RPS6KA2: variants seen among roughly 807,000 people sequenced by gnomAD.
The protein encoded by RPS6KA2 is ribosomal protein S6 kinase alpha-2.
In RPS6KA2, 42 loss-of-function variants were observed where a neutral mutation model predicts 91.8. The observed-to-expected ratio is 0.46, with a 90% CI of 0.36 to 0.59. The LOEUF (loss-of-function observed/expected upper bound fraction) is 0.59, where lower values mean the gene tolerates loss of function less well. RPS6KA2 is among the 20% of genes least tolerant of loss of function. The probability of loss-of-function intolerance (pLI) is 0.00; values close to 1 mark genes in which losing one functional copy is unlikely to be tolerated. For synonymous variants in RPS6KA2, 414 were observed against 393.6 expected (o/e 1.05, Z -0.61); for missense variants, 798 against 978.5 (o/e 0.82, Z 2.46).
intron 2 of RPS6KA2, among the ~76,000 whole-genome samples, chr6:166,829,466 C>T (rs1780124610): frequency 6.6e-6 from 1 of 151,752 alleles, no homozygotes; most frequent in Non-Finnish European, 1.5e-5. Flanking sequence ...TGGCGGGCGC[C>T]CGTAGTCCCA....
At position 166,490,637 on chromosome 6, in the gene RPS6KA2, C is replaced by T. The variant is rs765334036; in HGVS notation, c.818+34G>A. 15 of 1,482,764 alleles carry T rather than the reference C, an allele frequency of 1.0e-5. No individual in the cohort carries two copies. Among genetic ancestry groups the T allele is most frequent in the East Asian group, 2.3e-5 (1 of 43,078 alleles). The allele number at this position is 1,482,764 out of a possible 1,614,324, so 91.9% of individuals were successfully genotyped here. ...GCAGCTCTTGATATCAGAAGGTGCT[C>T]GCAGGTCTCTGGGGTGGCTCCCACA... On this transcript the variant is annotated intron_variant, in intron 9 of 20. Coordinates refer to ENST00000265678, the MANE Select transcript of RPS6KA2 (RefSeq NM_021135.6). This position sits in a 1 kb window ranked among gnomAD's most constrained non-coding sequence, Gnocchi z 4.2.
At chr6:166,473,458 C>T (rs1780846443) in intron 10 of RPS6KA2, among the ~76,000 whole-genome samples, 1 of 152,202 alleles carries the variant, frequency 6.6e-6, no homozygotes, top group Non-Finnish European at 1.5e-5. Context: ...TCCCAAAGTG[C>T]TGGGATTATA....
chr6:166,853,891 G>C (rs1435758500), intron 2 of RPS6KA2, among the ~76,000 whole-genome samples: 1 of 152,226 alleles, frequency 6.6e-6, no homozygotes, highest in East Asian at 1.9e-4. Context: ...GAGGCAGGAT[G>C]GGGAGAGGCC....
intron 11 of RPS6KA2, among the ~76,000 whole-genome samples, chr6:166,465,547 C>T (rs1277605250): frequency 6.6e-6 from 1 of 152,218 alleles, no homozygotes; most frequent in Non-Finnish European, 1.5e-5. Flanking sequence ...CTTCTAAGAC[C>T]ATCACGGAGC....
chr6:166,662,944 G>A lies in RPS6KA2; in HGVS notation c.124-124160C>T, dbSNP rs753405836. ...TCTGTGTATGGAGGAACGGCCACGC[G>A]AGGACAGGGAGGAGGCGCCATCTGC... On this transcript the variant is annotated intron_variant, in intron 2 of 21. Transcript: ENST00000503859. This position sits in a 1 kb window ranked among gnomAD's most constrained non-coding sequence, Gnocchi z 4.3. 1.4e-4 allele frequency among the ~76,000 whole-genome samples: 22 copies of A among 152,086 alleles called. No individual in the cohort carries two copies. Among genetic ancestry groups the A allele is most frequent in the Admixed American group, 2.6e-4 (4 of 15,268 alleles).
Position 166,418,481 on chromosome 6 carries a change from T to C in RPS6KA2, c.1821-139A>G. On this transcript the variant is annotated intron_variant, in intron 18 of 20. Transcript: ENST00000265678. The surrounding 1 kb of genome is among the most constrained non-coding windows in gnomAD (Gnocchi z 4.9). ...TCCTCTGCTCTGAAGCCAGGATTCATGGGAAAGCGGAACTTACCTCTAACA... is the reference window on the plus strand; with the variant it reads ...TCCTCTGCTCTGAAGCCAGGATTCACGGGAAAGCGGAACTTACCTCTAACA... The C allele has an allele frequency of 4.3e-6, 3 of 699,956 alleles. No individual in the cohort carries two copies. Among genetic ancestry groups the C allele is most frequent in the South Asian group, 1.6e-5 (1 of 62,020 alleles). The allele number at this position is 699,956 out of a possible 1,614,324, so 43.4% of individuals were successfully genotyped here. A position where few individuals can be genotyped will look rare whatever the true frequency, so the allele number is the denominator to read the frequency against.
At chr6:166,464,333 T>G (rs985035686) in intron 11 of RPS6KA2, among the ~76,000 whole-genome samples, 4 of 152,146 alleles carry the variant, frequency 2.6e-5, no homozygotes, top group Non-Finnish European at 5.9e-5. Flanking sequence ...GTTTCTCCCA[T>G]CTCACAGCAT....
In RPS6KA2 at chr6:166,411,262, A is replaced by C. The variant is rs1336670418; in HGVS notation, c.*1500T>G. 2 of 150,636 alleles carry C rather than the reference A, an allele frequency of 1.3e-5. No homozygotes were observed. Among genetic ancestry groups the C allele is most frequent in the African/African-American group, 4.9e-5 (2 of 40,838 alleles). 9.3% of individuals were successfully genotyped at this position (150,636 alleles called of 1,614,324 possible). A position where few individuals can be genotyped will look rare whatever the true frequency, so the allele number is the denominator to read the frequency against. ...GGTACGAGAATCGAGATGGAGGGGGAACAAAACCCAACAAAATAACATCTT... is the reference window on the plus strand; with the variant it reads ...GGTACGAGAATCGAGATGGAGGGGGCACAAAACCCAACAAAATAACATCTT... On this transcript the variant is annotated 3_prime_UTR_variant, in exon 21 of 21. Coordinates refer to ENST00000265678, the MANE Select transcript of RPS6KA2 (RefSeq NM_021135.6). The surrounding 1 kb of genome is among the most constrained non-coding windows in gnomAD (Gnocchi z 4.5).
Position 166,666,806 on chromosome 6 carries a change from G to A in RPS6KA2, c.124-128022C>T, listed in dbSNP as rs891222012. Among the ~76,000 whole-genome samples the A allele has an allele frequency of 1.3e-5, 2 of 152,202 alleles. No homozygotes were observed. Among genetic ancestry groups the A allele is most frequent in the African/African-American group, 4.8e-5 (2 of 41,444 alleles). On this transcript the variant is annotated intron_variant, in intron 2 of 21. Transcript: ENST00000503859. The surrounding 1 kb of genome is among the most constrained non-coding windows in gnomAD (Gnocchi z 4.0). ...AGAATGGAAAGCAGAGCCTCAAAGA[G>A]ACATTTGTACACTCACATTCATAGC... is the stretch of plus-strand genomic sequence containing the variant.
At chr6:166,649,589 G>A (rs1416759203) in intron 2 of RPS6KA2, among the ~76,000 whole-genome samples, 1 of 152,136 alleles carries the variant, frequency 6.6e-6, no homozygotes. Context: ...TCTTTTAGGG[G>A]TAATGAAGAA....
Position 166,469,826 on chromosome 6 carries a change from T to C in RPS6KA2, c.972+15A>G. The C allele has an allele frequency of 1.2e-6, 2 of 1,612,430 alleles. No individual in the cohort carries two copies. The highest frequency in any genetic ancestry group is 1.7e-6 in the Non-Finnish European group (2 of 1,178,422). ...GTCACGCGTGTGCAGGTGGGGACTG[T>C]GGCATGCAACTTACGTTCCAGTCTA... On this transcript the variant is annotated intron_variant, in intron 11 of 20. Coordinates refer to ENST00000265678, the MANE Select transcript of RPS6KA2 (RefSeq NM_021135.6).
chr6:166,458,237 G>C (rs1369141940), intron 12 of RPS6KA2, among the ~76,000 whole-genome samples: 2 of 152,180 alleles, frequency 1.3e-5, no homozygotes, highest in Non-Finnish European at 2.9e-5. Flanking sequence ...GTTGTAGGAG[G>C]GACCTGGTGG....
At position 166,757,684 on chromosome 6, in the gene RPS6KA2, C is replaced by T. The variant is rs193230590; in HGVS notation, c.123+100516G>A. The T allele has an allele frequency of 2.8e-4, 125 of 443,740 alleles. No homozygotes were observed. In the East Asian group the frequency reaches 3.2e-3, roughly 11 times the overall value. The allele number at this position is 443,740 out of a possible 1,614,324, so 27.5% of individuals were successfully genotyped here. A position where few individuals can be genotyped will look rare whatever the true frequency, so the allele number is the denominator to read the frequency against. On this transcript the variant is annotated intron_variant, in intron 2 of 21. Transcript: ENST00000503859. ...CCTTGTGGGCTGCTGCGCCCGTCCT[C>T]GTCACCAGGCAGCCACCCCGCACAC...
intron 2 of RPS6KA2, among the ~76,000 whole-genome samples, chr6:166,791,486 A>T (rs1256051759): frequency 6.6e-6 from 1 of 152,214 alleles, no homozygotes; most frequent in East Asian, 1.9e-4. Context: ...GATATCCAGG[A>T]ATTGAACTCA....
rs1206108055 is a variant in RPS6KA2, at chr6:166,411,799, G to A, written c.*963C>T. Reference sequence around the variant, plus strand: ...GAGAAGGTTTGGGTGGGAAGCCACAGAGCTCCATTTCTCCAATTCACAGTT... The same window carrying A: ...GAGAAGGTTTGGGTGGGAAGCCACAAAGCTCCATTTCTCCAATTCACAGTT... On this transcript the variant is annotated 3_prime_UTR_variant, in exon 21 of 21. Coordinates refer to ENST00000265678, the MANE Select transcript of RPS6KA2 (RefSeq NM_021135.6). This position sits in a 1 kb window ranked among gnomAD's most constrained non-coding sequence, Gnocchi z 4.5. 1 of 152,338 alleles carries A rather than the reference G, an allele frequency of 6.6e-6. No homozygotes were observed. Among genetic ancestry groups the A allele is most frequent in the East Asian group, 1.9e-4 (1 of 5,158 alleles). The allele number at this position is 152,338 out of a possible 1,614,324, so 9.4% of individuals were successfully genotyped here.
chr6:166,719,541 T>A (rs1790111222), intron 2 of RPS6KA2, among the ~76,000 whole-genome samples: 1 of 152,200 alleles, frequency 6.6e-6, no homozygotes, highest in Admixed American at 6.5e-5. Flanking sequence ...ACAACACATG[T>A]CTGTGACGAT....
At chr6:166,708,167 GA>G (rs1326113816) in intron 2 of RPS6KA2, among the ~76,000 whole-genome samples, 4 of 151,988 alleles carry the variant, frequency 2.6e-5, no homozygotes, top group African/African-American at 4.8e-5. Context: ...ATTGGATCTA[GA>G]AAAAAACCTG....
intron 2 of RPS6KA2, among the ~76,000 whole-genome samples, chr6:166,833,450 G>A (rs1299606238): frequency 2.0e-5 from 3 of 151,828 alleles, no homozygotes; most frequent in African/African-American, 7.3e-5. Context: ...TAAGTGTAGA[G>A]ATCAATGAAT....
At chr6:166,694,499 C>T (rs1194102524) in intron 2 of RPS6KA2, among the ~76,000 whole-genome samples, 2 of 152,222 alleles carry the variant, frequency 1.3e-5, no homozygotes, top group Non-Finnish European at 2.9e-5. Flanking sequence ...AAAAAAATGT[C>T]TGAAACTGCG....
Sources: allele counts gnomAD v4.1 joint callset (sites outside exome capture counted in the v4.1 genomes callset), GRCh38; gene constraint gnomAD v4.1.1; non-coding constraint Gnocchi (gnomAD v3.1); transcripts MANE v1.5; gene names NCBI Gene and HGNC (gene_info 2026-07-23, HGNC 2026-07-21).